The following NAP1L1 variants were observed in gnomAD, a reference collection of about 807,000 sequenced individuals.
NAP1L1 encodes nucleosome assembly protein 1-like 1.
In NAP1L1, 9 loss-of-function variants were observed where a neutral mutation model predicts 58.9. The observed-to-expected ratio is 0.15, with a 90% CI of 0.09 to 0.27. The LOEUF is 0.27. NAP1L1 is among the 10% of genes least tolerant of loss of function. NAP1L1 has a pLI of 1.00. For missense variants in NAP1L1, 302 were observed against 458.8 expected, an observed-to-expected ratio of 0.66 and a Z score of 3.12; for synonymous variants, 130 against 138.3, an observed-to-expected ratio of 0.94 and a Z score of 0.42.
intron 1 of NAP1L1, among the ~76,000 whole-genome samples, chr12:76,078,572 C>G (rs976981939): frequency 6.6e-6 from 1 of 152,130 alleles, no homozygotes; most frequent in African/African-American, 2.4e-5. Context: ...TGTCTTTGAT[C>G]TAAGTTTGAA....
At chr12:76,054,247 A>G (rs1298941133) in intron 8 of NAP1L1, among the ~76,000 whole-genome samples, 1 of 151,174 alleles carries the variant, frequency 6.6e-6, no homozygotes, top group Non-Finnish European at 1.5e-5. Flanking sequence ...ACAGGCTGGT[A>G]TTGACCTCCG....
At chr12:76,083,791 A>G (rs973230671) in intron 1 of NAP1L1, 1 of 152,290 alleles carries the variant, frequency 6.6e-6, no homozygotes, top group African/African-American at 2.4e-5. Flanking sequence ...AAAGAGAAGC[A>G]GGGAAGAGTT....
In NAP1L1 at chr12:76,042,351, T is replaced by C. The variant is rs764952135; in HGVS notation, c.*6078A>G. ...TCACCACGATCTTTCGCAATACAGA[T>C]GAAAAGACTGATGCTGAACCAACAG... On this transcript the variant is annotated 3_prime_UTR_variant, in exon 15 of 15. Coordinates refer to ENST00000618691, the MANE Select transcript of NAP1L1 (RefSeq NM_004537.7). The C allele has an allele frequency of 3.3e-5, 5 of 152,190 alleles. No homozygotes were observed. The highest frequency in any genetic ancestry group is 7.4e-5 in the Non-Finnish European group (5 of 68,026). The allele number at this position is 152,190 out of a possible 1,614,324, so 9.4% of individuals were successfully genotyped here.
intron 7 of NAP1L1, among the ~76,000 whole-genome samples, chr12:76,055,800 TC>T (rs1949059505): frequency 1.3e-5 from 2 of 152,244 alleles, no homozygotes; most frequent in South Asian, 4.1e-4. Context: ...AAAACACCAG[TC>T]GATAATGAGC....
chr12:76,077,240 C>T (rs1021053685), intron 1 of NAP1L1, among the ~76,000 whole-genome samples: 1 of 152,194 alleles, frequency 6.6e-6, no homozygotes, highest in African/African-American at 2.4e-5. Flanking sequence ...AGAACATTAA[C>T]AGGAGGCATT....
chr12:76,071,249 A>C (rs976148961), intron 2 of NAP1L1, among the ~76,000 whole-genome samples: 1 of 151,934 alleles, frequency 6.6e-6, no homozygotes, highest in South Asian at 2.1e-4. Context: ...AGGTTTACTG[A>C]CTCTGGTTTT....
Position 76,043,453 on chromosome 12 carries a change from C to G in NAP1L1, c.*4976G>C, listed in dbSNP as rs374623767. The G allele has an allele frequency of 8.5e-6, 1 of 117,920 alleles. No homozygotes were observed. The highest frequency in any genetic ancestry group is 3.3e-5 in the African/African-American group (1 of 30,362). The allele number at this position is 117,920 out of a possible 1,614,324, so 7.3% of individuals were successfully genotyped here. On this transcript the variant is annotated 3_prime_UTR_variant, in exon 15 of 15. Transcript: ENST00000618691. ...TTGCAGCAGTACACTCCAACCTGGG[C>G]AAATGAAGTAAGACCCTGTCTCAGA...
Position 76,072,300 on chromosome 12 carries a change from TA to T in NAP1L1, c.17+1902del, listed in dbSNP as rs566199999. 5.8e-3 allele frequency among the ~76,000 whole-genome samples: 702 copies of T among 120,874 alleles called. 4 individuals are homozygous for T. Among genetic ancestry groups the T allele is most frequent in the African/African-American group, 0.017 (558 of 32,806 alleles). 79.3% of individuals were successfully genotyped at this position (120,874 alleles called of 152,430 possible). On this transcript the variant is annotated intron_variant, in intron 2 of 14. Coordinates refer to ENST00000618691, the MANE Select transcript of NAP1L1 (RefSeq NM_004537.7). ...AATGAAACAAGAAGAGGATGCTATT[TA>T]AAAAAAAAAAAAAACAAAAAAACAG...
In NAP1L1 at chr12:76,049,186, C is replaced by A. The variant is rs1170243049; in HGVS notation, c.1140+14G>T. The A allele has an allele frequency of 6.2e-7, 1 of 1,609,106 alleles. No individual in the cohort carries two copies. Among genetic ancestry groups the A allele is most frequent in the Middle Eastern group, 1.7e-4 (1 of 6,038 alleles). On this transcript the variant is annotated intron_variant, in intron 14 of 14. Coordinates refer to ENST00000618691, the MANE Select transcript of NAP1L1 (RefSeq NM_004537.7). ...ATCTTAAATTTAATAGAAAGCAGCA[C>A]TAATTTTGCTCACCTTTGGGTCATA...
intron 6 of NAP1L1, chr12:76,057,544 G>T: frequency 1.3e-6 from 1 of 799,298 alleles, no homozygotes; most frequent in Non-Finnish European, 2.1e-6. Flanking sequence ...TGAAATGGCT[G>T]CTGACGTTTC....
intron 2 of NAP1L1, 46 bp from the exon 3 acceptor site, chr12:76,069,040 C>T: frequency 7.4e-7 from 1 of 1,342,860 alleles, no homozygotes; most frequent in Non-Finnish European, 1.0e-6. Context: ...TACCAATTAC[C>T]AAAAAAAGTT....
At chr12:76,062,547 G>C (rs1484815009) in intron 4 of NAP1L1, among the ~76,000 whole-genome samples, 1 of 152,280 alleles carries the variant, frequency 6.6e-6, no homozygotes, top group Non-Finnish European at 1.5e-5. Flanking sequence ...AGATGAGGAA[G>C]ATTGACATGC....
Position 76,050,569 on chromosome 12 carries a change from A to G in NAP1L1, c.1021T>C (p.Tyr341His), listed in dbSNP as rs751453919. The G allele has an allele frequency of 1.2e-6, 2 of 1,611,242 alleles. No homozygotes were observed. Residue 341 changes from tyrosine (Y) to histidine (H), a missense_variant, in exon 12 of 15, where the codon TAT (tyrosine) becomes CAT (histidine). Transcript: ENST00000618691. Reference protein sequence around the residue: ...RERIIPRSVLYFTGEAIEDDD... With the variant: ...RERIIPRSVLHFTGEAIEDDD... ...TCTTCAATAGCTTCTCCAGTAAAAT[A>G]TAACACTGATCTTGGGATTATACGC...
At chr12:76,059,618 T>C (rs1260196170) in intron 6 of NAP1L1, 180 bp downstream of exon 6, 1 of 539,398 alleles carries the variant, frequency 1.9e-6, no homozygotes, top group Admixed American at 3.8e-5. Flanking sequence ...ATTACAATCT[T>C]GAATGACTGT....
At position 76,045,441 on chromosome 12, in the gene NAP1L1, A is replaced by C. The variant is rs975079992; in HGVS notation, c.*2988T>G. ...GGAATGGCCTACAATTACAATAAAC[A>C]ATTAATTCAGTTATTTTAGGGGCCT... On this transcript the variant is annotated 3_prime_UTR_variant, in exon 15 of 15. Transcript: ENST00000618691. The C allele has an allele frequency of 6.6e-6, 1 of 152,022 alleles. No homozygotes were observed. Among genetic ancestry groups the C allele is most frequent in the East Asian group, 1.9e-4 (1 of 5,200 alleles). The allele number at this position is 152,022 out of a possible 1,614,324, so 9.4% of individuals were successfully genotyped here.
chr12:76,049,481 GAA>G, intron 13 of NAP1L1: 1 of 1,535,612 alleles, frequency 6.5e-7, no homozygotes, highest in Non-Finnish European at 8.7e-7. Flanking sequence ...GCCAACGTTG[GAA>G]AAGTTTACTG....
intron 13 of NAP1L1, chr12:76,049,485 A>C (rs1439746152): frequency 6.5e-7 from 1 of 1,535,658 alleles, no homozygotes; most frequent in Non-Finnish European, 8.7e-7. Flanking sequence ...ACGTTGGAAA[A>C]GTTTACTGCA....
intron 4 of NAP1L1, 137 bp from the exon 5 acceptor site, chr12:76,060,416 TA>T (rs1303478466): frequency 1.2e-6 from 1 of 805,758 alleles, no homozygotes; most frequent in Non-Finnish European, 1.9e-6. Flanking sequence ...TCAAAGTAAA[TA>T]AAAATCAAAT....
Position 76,055,968 on chromosome 12 carries a change from A to G in NAP1L1, c.558+65T>C, listed in dbSNP as rs1476084783. The G allele has an allele frequency of 2.0e-6, 3 of 1,516,764 alleles. No homozygotes were observed. In the African/African-American group the frequency reaches 4.2e-5, roughly 21 times the overall value. 94.0% of individuals were successfully genotyped at this position (1,516,764 alleles called of 1,614,324 possible). On this transcript the variant is annotated intron_variant, in intron 7 of 14. Transcript: ENST00000618691. Reference sequence around the variant, plus strand: ...ATCAACACTGAAGAGAACAGTGATCACAGCCATTTAAACTTCAAAGGTTTA... The same window carrying G: ...ATCAACACTGAAGAGAACAGTGATCGCAGCCATTTAAACTTCAAAGGTTTA...
Sources: gnomAD v4.1 joint callset for allele counts (sites outside exome capture counted in the v4.1 genomes callset) on GRCh38, gnomAD v4.1.1 for gene constraint, MANE v1.5 for transcripts, NCBI Gene and HGNC (gene_info 2026-07-23, HGNC 2026-07-21) for gene names.